Variants in RASGRF1 observed in about 807,000 individuals in gnomAD.
RASGRF1 encodes the protein ras-specific guanine nucleotide-releasing factor 1.
A neutral mutation model predicts 138.7 loss-of-function variants in RASGRF1; 40 were observed. The observed-to-expected ratio is 0.29, with a 90% confidence interval of 0.22 to 0.38. The LOEUF is 0.38. Among genes scored for constraint, RASGRF1 ranks in the 10% least tolerant of loss-of-function variants. The probability of loss-of-function intolerance (pLI) is 1.00; values close to 1 mark genes in which losing one functional copy is unlikely to be tolerated. For synonymous variants in RASGRF1, 614 were observed against 663.2 expected, an observed-to-expected ratio of 0.93 and a Z score of 1.14; for missense variants, 1,108 against 1,650.4, an observed-to-expected ratio of 0.67 and a Z score of 5.69.
At chr15:79,001,597 G>T in intron 16 of RASGRF1, 65 bp downstream of exon 16, 1 of 1,557,780 alleles carries the variant, frequency 6.4e-7, no homozygotes, top group Non-Finnish European at 8.8e-7. Context: ...GCCTTGACTC[G>T]ACTTGACCTA....
chr15:78,987,840 G>T (rs28516885), intron 22 of RASGRF1, among the ~76,000 whole-genome samples: 2,394 of 152,288 alleles, frequency 0.016, 27 homozygotes, highest in Middle Eastern at 0.024. Flanking sequence ...TACAAGTGCA[G>T]AAGGGCGAGT....
chr15:79,038,663 T>C (rs918061383), intron 5 of RASGRF1, among the ~76,000 whole-genome samples: 1 of 152,252 alleles, frequency 6.6e-6, no homozygotes, highest in Non-Finnish European at 1.5e-5. Flanking sequence ...GTGTATAGTC[T>C]GACATCTATG....
chr15:79,050,400 G>A lies in RASGRF1; in HGVS notation c.532-812C>T, dbSNP rs542720129. On this transcript the variant is annotated intron_variant, in intron 3 of 26. Coordinates refer to ENST00000558480, the MANE Select transcript of RASGRF1 (RefSeq NM_001145648.3). This position sits in a 1 kb window ranked among gnomAD's most constrained non-coding sequence, Gnocchi z 4.1. The stretch of plus-strand genomic sequence containing the variant: ...CATTTTATTTATCCATTCCCCCTTT[G>A]ATGGGCATCTAGGTAATCCCTTTAT... Among the ~76,000 whole-genome samples, 1 of 152,236 alleles carries A rather than the reference G, an allele frequency of 6.6e-6. No homozygotes were observed. Among genetic ancestry groups the A allele is most frequent in the East Asian group, 1.9e-4 (1 of 5,182 alleles).
Position 79,004,106 on chromosome 15 carries a change from C to T in RASGRF1, c.2145G>A (p.Pro715=), listed in dbSNP as rs766902534. The T allele has an allele frequency of 5.1e-5, 83 of 1,613,416 alleles. No individual in the cohort carries two copies. Among genetic ancestry groups the T allele is most frequent in the East Asian group, 1.1e-4 (5 of 44,882 alleles). The change falls in exon 15 of 27, where the codon CCG becomes CCA. Residue 715 remains proline (P), a synonymous_variant. Coordinates refer to ENST00000558480, the MANE Select transcript of RASGRF1 (RefSeq NM_001145648.3). The stretch of plus-strand genomic sequence containing the variant: ...GCGAGGAGAACTTGCGGGTGGCGCG[C>T]GGGGACTTGGGGGGTTCACCGTACA... ...KLLYGEPPKS[P]RATRKFSSPP...
At chr15:79,066,713 T>A (rs1469504830) in intron 1 of RASGRF1, among the ~76,000 whole-genome samples, 1 of 152,180 alleles carries the variant, frequency 6.6e-6, no homozygotes, top group Admixed American at 6.5e-5. Context: ...TGGAATCCCC[T>A]ACAGCCTCAC....
intron 26 of RASGRF1, among the ~76,000 whole-genome samples, chr15:78,968,279 T>TGTGTGTGTGTGTGTGTGTGTG (rs1567417630): frequency 1.3e-5 from 2 of 151,098 alleles, no homozygotes; most frequent in Admixed American, 6.6e-5. Flanking sequence ...TGTGTGTGTG[T>TGTGTGTGTGTGTGTGTGTGTG]TTTATTTTTA....
At chr15:79,043,937 G>A (rs183135921) in intron 5 of RASGRF1, among the ~76,000 whole-genome samples, 7 of 152,178 alleles carry the variant, frequency 4.6e-5, no homozygotes, top group Admixed American at 6.5e-5. Context: ...TTACTCTTCC[G>A]AACTTTTGCC....
chr15:79,043,465 A>C (rs1449523716), intron 5 of RASGRF1, among the ~76,000 whole-genome samples: 1 of 152,190 alleles, frequency 6.6e-6, no homozygotes. Flanking sequence ...CTTTACACCA[A>C]GTCTCTTCTT....
At chr15:78,988,237 C>A (rs1446262779) in intron 22 of RASGRF1, among the ~76,000 whole-genome samples, 1 of 152,228 alleles carries the variant, frequency 6.6e-6, no homozygotes, top group Non-Finnish European at 1.5e-5. Context: ...TGAGATGATG[C>A]TTTTGAAGCA....
intron 1 of RASGRF1, among the ~76,000 whole-genome samples, chr15:79,088,295 G>A (rs1018974062): frequency 6.6e-6 from 1 of 152,146 alleles, no homozygotes; most frequent in Non-Finnish European, 1.5e-5. Flanking sequence ...GTCCAGGTGG[G>A]TATAATTCAG....
chr15:79,006,499 G>T lies in RASGRF1; in HGVS notation c.1827-65C>A. The T allele has an allele frequency of 1.3e-6, 2 of 1,543,978 alleles. No homozygotes were observed. Among genetic ancestry groups the T allele is most frequent in the Non-Finnish European group, 1.8e-6 (2 of 1,142,318 alleles). On this transcript the variant is annotated intron_variant, in intron 13 of 26. Transcript: ENST00000558480. The surrounding 1 kb of genome is among the most constrained non-coding windows in gnomAD (Gnocchi z 4.0). ...AAGGCATCTGAATGGCACCCACCAG[G>T]CCTGCTCATCACTGCTTCCCCCACA...
intron 1 of RASGRF1, among the ~76,000 whole-genome samples, chr15:79,086,138 G>A (rs1039643658): frequency 6.6e-6 from 1 of 152,140 alleles, no homozygotes; most frequent in Non-Finnish European, 1.5e-5. Flanking sequence ...AGTCTTGCTG[G>A]TTTCCTATAG....
intron 1 of RASGRF1, among the ~76,000 whole-genome samples, chr15:79,081,939 T>C (rs1005208591): frequency 1.3e-5 from 2 of 152,068 alleles, no homozygotes; most frequent in African/African-American, 4.8e-5. Context: ...TGACATTTGG[T>C]CAAGAATGAC....
intron 5 of RASGRF1, among the ~76,000 whole-genome samples, chr15:79,044,600 T>C (rs747279617): frequency 6.6e-6 from 1 of 152,214 alleles, no homozygotes; most frequent in Non-Finnish European, 1.5e-5. Context: ...CCCAACCCTA[T>C]GGACTGCCTT....
chr15:78,997,736 CAAAA>C (rs33965910), intron 19 of RASGRF1, among the ~76,000 whole-genome samples: 2 of 112,418 alleles, frequency 1.8e-5, no homozygotes, highest in Non-Finnish European at 1.7e-5. Flanking sequence ...GACTTCGCCT[CAAAA>C]AAAAAAAAAA....
intron 11 of RASGRF1, 145 bp downstream of exon 11, chr15:79,019,896 C>T: frequency 1.1e-6 from 1 of 887,200 alleles, no homozygotes; most frequent in Non-Finnish European, 1.8e-6. Context: ...AGGGTGTGTG[C>T]ATGAGGGCAT....
intron 3 of RASGRF1, among the ~76,000 whole-genome samples, chr15:79,053,791 C>T (rs1480911200): frequency 3.9e-5 from 6 of 152,314 alleles, no homozygotes; most frequent in South Asian, 2.1e-4. Flanking sequence ...TGCGCACTCG[C>T]ACAGAGCCCC....
At chr15:79,015,507 T>C in intron 12 of RASGRF1, 98 bp from the exon 13 acceptor site, 1 of 1,072,806 alleles carries the variant, frequency 9.3e-7, no homozygotes, top group Admixed American at 1.8e-5. Context: ...TGCCTCAGTC[T>C]GATACAGGGT....
chr15:79,004,835 A>G, intron 14 of RASGRF1: 1 of 985,344 alleles, frequency 1.0e-6, no homozygotes, highest in Non-Finnish European at 1.2e-6. Flanking sequence ...ACAGGATAGG[A>G]TTGATCTTTT....
Sources: gnomAD v4.1 joint callset for allele counts (sites outside exome capture counted in the v4.1 genomes callset) on GRCh38, gnomAD v4.1.1 for gene constraint, Gnocchi (gnomAD v3.1) non-coding constraint, MANE v1.5 for transcripts, NCBI Gene and HGNC (gene_info 2026-07-23, HGNC 2026-07-21) for gene names.